The following POGZ variants were observed in gnomAD, a reference collection of about 807,000 sequenced individuals.
POGZ encodes pogo transposable element derived with ZNF domain, also known as pogo transposable element with ZNF domain.
POGZ carries 17 observed loss-of-function variants against 134.6 expected under a neutral mutation model. The observed-to-expected ratio is 0.13, with a 90% confidence interval of 0.09 to 0.19. The LOEUF is 0.19. Among genes scored for constraint, POGZ ranks in the 10% least tolerant of loss-of-function variants. POGZ has a pLI of 1.00. For missense variants in POGZ, 1,306 were observed against 1,769.7 expected, an observed-to-expected ratio of 0.74 and a Z score of 4.70; for synonymous variants, 693 against 657.1, an observed-to-expected ratio of 1.05 and a Z score of -0.84.
intron 2 of POGZ, 110 bp from the exon 3 acceptor site, chr1:151,441,196 T>C: frequency 1.3e-6 from 1 of 771,706 alleles, no homozygotes; most frequent in Non-Finnish European, 2.0e-6. Flanking sequence ...AGCCAAAAAG[T>C]TTCCTGTTTC....
In POGZ at chr1:151,423,259, A is replaced by G. The variant is rs1657242059; in HGVS notation, c.1678+138T>C. ...AAAAAACAAGGTGAATGAAGTAAAG[A>G]ACTGGCTACAAATATGAAAAGTACT... is the stretch of plus-strand genomic sequence containing the variant. On this transcript the variant is annotated intron_variant, in intron 10 of 18. Coordinates refer to ENST00000271715, the MANE Select transcript of POGZ (RefSeq NM_015100.4). 11 of 700,366 alleles carry G rather than the reference A, an allele frequency of 1.6e-5. No homozygotes were observed. In the South Asian group the frequency reaches 2.2e-4, roughly 14 times the overall value. 43.4% of individuals were successfully genotyped at this position (700,366 alleles called of 1,614,324 possible).
chr1:151,406,062 C>T lies in POGZ; in HGVS notation c.2973G>A (p.Gln991=). 1 of 1,614,236 alleles carries T rather than the reference C, an allele frequency of 6.2e-7. No individual in the cohort carries two copies. The change falls in exon 19 of 19, where the codon CAG becomes CAA. Residue 991 remains glutamine (Q), a synonymous_variant. Transcript: ENST00000271715. ...GGGGATTTCGGAAGTGTTCAGCTGC[C>T]TGTTCTGTATTGCAGCATAGAGCAA... ...VLFALCCNTE[Q]AAEHFRNPQR...
At chr1:151,430,103 C>T (rs1658449754) in intron 4 of POGZ, among the ~76,000 whole-genome samples, 1 of 152,054 alleles carries the variant, frequency 6.6e-6, no homozygotes, top group African/African-American at 2.4e-5. Context: ...AAAAATTGTT[C>T]CCAAAGTCTA....
In POGZ at chr1:151,403,496, T is replaced by G. The variant is rs1653055583; in HGVS notation, c.*1306A>C. 1 of 985,782 alleles carries G rather than the reference T, an allele frequency of 1.0e-6. No homozygotes were observed. The highest frequency in any genetic ancestry group is 1.2e-6 in the Non-Finnish European group (1 of 829,918). 61.1% of individuals were successfully genotyped at this position (985,782 alleles called of 1,614,324 possible). On this transcript the variant is annotated 3_prime_UTR_variant, in exon 19 of 19. Coordinates refer to ENST00000271715, the MANE Select transcript of POGZ (RefSeq NM_015100.4). Reference sequence around the variant, plus strand: ...CCTCAGGATAAACAGAAGACTTGGTTTTTTGCTCCTTTTCTCTGTACGGTA... The same window carrying G: ...CCTCAGGATAAACAGAAGACTTGGTGTTTTGCTCCTTTTCTCTGTACGGTA...
At chr1:151,424,383 C>T in intron 8 of POGZ, 97 bp from the exon 9 acceptor site, 1 of 756,030 alleles carries the variant, frequency 1.3e-6, no homozygotes, top group Non-Finnish European at 2.1e-6. Context: ...GGTTTGGTTT[C>T]AGGTATTCTC....
In POGZ at chr1:151,441,137, A is replaced by G. The variant is rs115951766; in HGVS notation, c.125-51T>C. On this transcript the variant is annotated intron_variant, in intron 2 of 18. Transcript: ENST00000271715. ...CTTGGAGACAGGGACAGATGACACT[A>G]AAGGATACTGCTCTAATCTTCCCTT... is the stretch of plus-strand genomic sequence containing the variant. 69,560 of 1,462,416 alleles carry G rather than the reference A, an allele frequency of 0.048. 1,882 individuals carry two copies. The highest frequency in any genetic ancestry group is 0.053 in the Non-Finnish European group (56,060 of 1,057,562). The allele number at this position is 1,462,416 out of a possible 1,614,324, so 90.6% of individuals were successfully genotyped here.
Position 151,408,251 on chromosome 1 carries a change from A to C in POGZ, c.2235-11T>G. The C allele has an allele frequency of 6.4e-7, 1 of 1,557,924 alleles. No individual in the cohort carries two copies. The highest frequency in any genetic ancestry group is 8.7e-7 in the Non-Finnish European group (1 of 1,146,690). On this transcript the variant is annotated splice_polypyrimidine_tract_variant and intron_variant, in intron 14 of 18. Coordinates refer to ENST00000271715, the MANE Select transcript of POGZ (RefSeq NM_015100.4). The stretch of plus-strand genomic sequence containing the variant: ...CGGCCCATGACACTCCTGTGGGGGA[A>C]AAAAAAAAAGAATTCTCATTACTGC...
chr1:151,435,866 C>T (rs960898318), intron 3 of POGZ, among the ~76,000 whole-genome samples: 1 of 151,956 alleles, frequency 6.6e-6, no homozygotes, highest in Admixed American at 6.6e-5. Flanking sequence ...ACATACTGCC[C>T]ATTTAAAATA....
intron 7 of POGZ, among the ~76,000 whole-genome samples, chr1:151,425,904 T>C (rs550922934): frequency 6.6e-6 from 1 of 152,314 alleles, no homozygotes; most frequent in East Asian, 1.9e-4. Flanking sequence ...AATTCTATCA[T>C]TTTTAACTTT....
chr1:151,436,238 G>A lies in POGZ; in HGVS notation c.283+4690C>T, dbSNP rs142259221. ...TTCCCAAAGTGCTAGGATTACGGGCGTGAGCCACCGCGCCTGGCCTAGATC... is the reference window on the plus strand; with the variant it reads ...TTCCCAAAGTGCTAGGATTACGGGCATGAGCCACCGCGCCTGGCCTAGATC... On this transcript the variant is annotated intron_variant, in intron 3 of 18. Transcript: ENST00000271715. Among the ~76,000 whole-genome samples, 842 of 152,184 alleles carry A rather than the reference G, an allele frequency of 5.5e-3. 8 individuals carry two copies. Among genetic ancestry groups the A allele is most frequent in the Middle Eastern group, 0.02 (6 of 294 alleles).
At position 151,408,882 on chromosome 1, in the gene POGZ, A is replaced by T. The variant is rs182706453; in HGVS notation, c.1927-54T>A. On this transcript the variant is annotated intron_variant, in intron 12 of 18. Coordinates refer to ENST00000271715, the MANE Select transcript of POGZ (RefSeq NM_015100.4). Reference sequence around the variant, plus strand: ...AAAATCCCTTAAAGGTTCCTAATAAATTTTCTTTTTTGAGGAGAAAGCAGA... The same window carrying T: ...AAAATCCCTTAAAGGTTCCTAATAATTTTTCTTTTTTGAGGAGAAAGCAGA... 3.3e-4 allele frequency: 516 copies of T among 1,557,764 alleles called. 1 individual carries two copies. The African/African-American group carries it at 6.1e-3, about 19-fold the overall frequency.
At chr1:151,430,526 A>C in intron 4 of POGZ, 140 bp downstream of exon 4, 2 of 613,532 alleles carry the variant, frequency 3.3e-6, no homozygotes, top group Non-Finnish European at 5.6e-6. Context: ...ATCAAATTAC[A>C]GAACAGTAAA....
At chr1:151,419,039 AAAAAAAAG>A (rs1203059745) in intron 10 of POGZ, among the ~76,000 whole-genome samples, 8 of 149,436 alleles carry the variant, frequency 5.4e-5, no homozygotes, top group East Asian at 1.9e-4. Flanking sequence ...AAAAAAAAAA[AAAAAAAAG>A]AAAAAAAGAA....
Position 151,406,901 on chromosome 1 carries a change from T to C in POGZ, c.2545+10A>G, listed in dbSNP as rs777026655. ...CCCTTGCTCAACTAATCCCCTTCTC[T>C]CCTACTTACCCCGTGGCAGGATGCT... On this transcript the variant is annotated intron_variant, in intron 17 of 18. Coordinates refer to ENST00000271715, the MANE Select transcript of POGZ (RefSeq NM_015100.4). 3.1e-6 allele frequency: 5 copies of C among 1,598,844 alleles called. No individual in the cohort carries two copies. In the African/African-American group the frequency reaches 4.0e-5, roughly 13 times the overall value.
intron 1 of POGZ, among the ~76,000 whole-genome samples, chr1:151,446,384 T>G (rs1416404979): frequency 6.6e-6 from 1 of 152,140 alleles, no homozygotes. Context: ...AATTTCTCAT[T>G]TTTTATTTCA....
At chr1:151,423,055 T>C (rs1278404173) in intron 10 of POGZ, among the ~76,000 whole-genome samples, 1 of 152,182 alleles carries the variant, frequency 6.6e-6, no homozygotes, top group Non-Finnish European at 1.5e-5. Context: ...ATAAAACCTA[T>C]CAGGGTTTAA....
rs201294539 is a variant in POGZ at position 151,428,210 on chromosome 1, T to C, written c.772A>G (p.Thr258Ala). The C allele has an allele frequency of 2.6e-5, 42 of 1,613,512 alleles. No individual in the cohort carries two copies. Among genetic ancestry groups the C allele is most frequent in the Non-Finnish European group, 3.5e-5 (41 of 1,179,928 alleles). The change falls in exon 6 of 19, where the codon ACT becomes GCT. Residue 258 changes from threonine to alanine, a missense_variant. This residue lies in a region of POGZ where 541 missense variants were observed against 680.5 expected (regional missense o/e 0.80). Coordinates refer to ENST00000271715, the MANE Select transcript of POGZ (RefSeq NM_015100.4). ...GAGGTTGGCTGTGTGGCAGTGGGAG[T>C]GGTAGAAGTGCTGGGAGTGGACTTG... is the stretch of plus-strand genomic sequence containing the variant. ...QTKSTPSTST[T>A]PTATQPTSLG...
At chr1:151,423,762 C>T (rs553025255) in intron 9 of POGZ, among the ~76,000 whole-genome samples, 187 bp downstream of exon 9, 3 of 152,224 alleles carry the variant, frequency 2.0e-5, no homozygotes, top group South Asian at 4.2e-4. Flanking sequence ...TTCCCTTACT[C>T]GATCCAGTTA....
At chr1:151,413,215 A>G (rs1213810854) in intron 10 of POGZ, among the ~76,000 whole-genome samples, 1 of 151,178 alleles carries the variant, frequency 6.6e-6, no homozygotes, top group Non-Finnish European at 1.5e-5. Flanking sequence ...TTTGAGCTCA[A>G]GCGAGCCTCC....
Sources: gnomAD v4.1 joint callset for allele counts (sites outside exome capture counted in the v4.1 genomes callset) on GRCh38, gnomAD v4.1.1 for gene constraint, gnomAD v4.1.1 regional missense constraint, MANE v1.5 for transcripts, NCBI Gene and HGNC (gene_info 2026-07-23, HGNC 2026-07-21) for gene names.